Variants in PDE4D observed in about 807,000 individuals in gnomAD.
The protein encoded by PDE4D is 3',5'-cyclic-AMP phosphodiesterase 4D.
PDE4D carries 24 observed loss-of-function variants against 87.4 expected under a neutral mutation model. The ratio of observed to expected loss-of-function variants is 0.27; its 90% CI spans 0.20 to 0.39. PDE4D has a LOEUF of 0.39. Ranked by LOEUF, PDE4D falls within the 10% of genes least tolerant of loss-of-function variation. The pLI is 1.00. For synonymous variants in PDE4D, 384 were observed against 383.2 expected, an observed-to-expected ratio of 1.00 and a Z score of -0.02; for missense variants, 714 against 1,041.0, an observed-to-expected ratio of 0.69 and a Z score of 4.32.
At chr5:60,343,151 G>A (rs1758449312) in intron 1 of PDE4D, among the ~76,000 whole-genome samples, 1 of 152,162 alleles carries the variant, frequency 6.6e-6, no homozygotes, top group South Asian at 2.1e-4. Context: ...CCACAGGGTT[G>A]TGAATTTTTA....
At chr5:60,373,847 T>C (rs886185815) in intron 1 of PDE4D, among the ~76,000 whole-genome samples, 1 of 152,174 alleles carries the variant, frequency 6.6e-6, no homozygotes, top group Non-Finnish European at 1.5e-5. Context: ...AAGCCAGCAA[T>C]GACTGGGTGA....
chr5:59,789,680 A>G (rs1765570658), intron 1 of PDE4D, among the ~76,000 whole-genome samples: 1 of 152,236 alleles, frequency 6.6e-6, no homozygotes, highest in Admixed American at 6.5e-5. Flanking sequence ...CTAAGATAAA[A>G]TAGAAATCCT....
intron 2 of PDE4D, among the ~76,000 whole-genome samples, chr5:60,036,422 A>G (rs4700355): frequency 0.29 from 44,526 of 152,066 alleles, 7,276 homozygotes; most frequent in East Asian, 0.74. Context: ...TGAGCTCATC[A>G]GCAGAGTGAA....
intron 1 of PDE4D, among the ~76,000 whole-genome samples, chr5:59,534,519 G>C (rs1814793441): frequency 6.6e-6 from 1 of 152,128 alleles, no homozygotes; most frequent in Non-Finnish European, 1.5e-5. Context: ...GTTTCAGCTG[G>C]GTCTCAGGTG....
chr5:59,269,630 T>A (rs1763449064), intron 1 of PDE4D, among the ~76,000 whole-genome samples: 1 of 152,086 alleles, frequency 6.6e-6, no homozygotes, highest in Non-Finnish European at 1.5e-5. Context: ...TTCCTTGGAA[T>A]CCTAAAGTCT....
intron 1 of PDE4D, among the ~76,000 whole-genome samples, chr5:59,852,351 C>A (rs928357969): frequency 2.6e-5 from 4 of 152,080 alleles, no homozygotes; most frequent in African/African-American, 9.7e-5. Flanking sequence ...GAGGCTCTAT[C>A]ATAAAAGACA....
chr5:59,955,110 A>C (rs1758689880), intron 3 of PDE4D, among the ~76,000 whole-genome samples: 1 of 152,192 alleles, frequency 6.6e-6, no homozygotes, highest in African/African-American at 2.4e-5. Flanking sequence ...GCAAGTATTT[A>C]ATAAGTAAAA....
chr5:60,489,238 A>G (rs1749384718), upstream of PDE4D, among the ~76,000 whole-genome samples: 1 of 152,220 alleles, frequency 6.6e-6, no homozygotes, highest in South Asian at 2.1e-4. Flanking sequence ...ATTTTGTAGC[A>G]AGTGTAACAT....
intron 1 of PDE4D, among the ~76,000 whole-genome samples, chr5:59,504,900 A>ATG (rs1458379532): frequency 5.6e-5 from 6 of 107,374 alleles, no homozygotes; most frequent in Admixed American, 1.9e-4. Flanking sequence ...TGGTAGGGGT[A>ATG]TATGTGTGTG....
intron 1 of PDE4D, among the ~76,000 whole-genome samples, chr5:59,812,542 G>A (rs1054848403): frequency 2.0e-5 from 3 of 151,940 alleles, no homozygotes; most frequent in African/African-American, 7.3e-5. Flanking sequence ...GCGTGGTGGC[G>A]CATGCCTGTA....
chr5:60,174,790 AC>A (rs1473796009), intron 2 of PDE4D, among the ~76,000 whole-genome samples: 2 of 151,774 alleles, frequency 1.3e-5, no homozygotes, highest in Non-Finnish European at 2.9e-5. Flanking sequence ...TCTTATCCTT[AC>A]TTCTCTTTAG....
intron 1 of PDE4D, among the ~76,000 whole-genome samples, chr5:60,325,191 C>A (rs540714918): frequency 6.6e-6 from 1 of 152,170 alleles, no homozygotes; most frequent in African/African-American, 2.4e-5. Flanking sequence ...GATCCCTGAA[C>A]CACCTAAGCC....
chr5:59,926,000 A>G (rs1561868738), intron 3 of PDE4D, among the ~76,000 whole-genome samples: 1 of 152,218 alleles, frequency 6.6e-6, no homozygotes, highest in Non-Finnish European at 1.5e-5. Flanking sequence ...CTTGATCAGC[A>G]TGATAGACCA....
intron 1 of PDE4D, among the ~76,000 whole-genome samples, chr5:59,523,252 C>T (rs1043269859): frequency 5.3e-5 from 8 of 152,186 alleles, no homozygotes; most frequent in Admixed American, 1.3e-4. Context: ...CTTTAAAATC[C>T]TTATTAGCAT....
intron 2 of PDE4D, among the ~76,000 whole-genome samples, chr5:60,090,134 T>A (rs1480514238): frequency 6.6e-6 from 1 of 152,020 alleles, no homozygotes; most frequent in African/African-American, 2.4e-5. Flanking sequence ...TTCAAAAAAA[T>A]TGAAGAGAAG....
At chr5:59,451,230 G>GT (rs1323604406) in intron 1 of PDE4D, among the ~76,000 whole-genome samples, 1 of 152,030 alleles carries the variant, frequency 6.6e-6, no homozygotes, top group African/African-American at 2.4e-5. Flanking sequence ...AACTTTCTTG[G>GT]TTTTCTTCTT....
At chr5:59,193,451 A>T in intron 3 of PDE4D, 49 bp downstream of exon 3, 1 of 1,540,564 alleles carries the variant, frequency 6.5e-7, no homozygotes, top group Non-Finnish European at 9.0e-7. Flanking sequence ...TCCCCAAATT[A>T]AATTTTTACA....
chr5:59,428,821 AC>A (rs1795690258), intron 1 of PDE4D, among the ~76,000 whole-genome samples: 1 of 152,140 alleles, frequency 6.6e-6, no homozygotes, highest in Non-Finnish European at 1.5e-5. Context: ...TAATAAGTTA[AC>A]TTTTTATATA....
intron 2 of PDE4D, among the ~76,000 whole-genome samples, chr5:60,156,717 G>C (rs1055536700): frequency 6.6e-6 from 1 of 151,858 alleles, no homozygotes; most frequent in Non-Finnish European, 1.5e-5. Context: ...TAATATTTTG[G>C]CACAATTTCT....
Sources: gnomAD v4.1 joint callset for allele counts (sites outside exome capture counted in the v4.1 genomes callset) on GRCh38, gnomAD v4.1.1 for gene constraint, MANE v1.5 for transcripts, NCBI Gene and HGNC (gene_info 2026-07-23, HGNC 2026-07-21) for gene names.